Variants in GTF2A1 observed in about 807,000 individuals in gnomAD.
GTF2A1 encodes the protein transcription initiation factor IIA subunit 1.
In GTF2A1, 12 loss-of-function variants were observed where a neutral mutation model predicts 54.1. The ratio of observed to expected loss-of-function variants is 0.22; its 90% CI spans 0.14 to 0.36. The LOEUF is 0.36. Ranked by LOEUF, GTF2A1 falls within the 10% of genes least tolerant of loss-of-function variation. The pLI is 1.00. For missense variants in GTF2A1, 335 were observed against 442.2 expected, an observed-to-expected ratio of 0.76 and a Z score of 2.17; for synonymous variants, 145 against 152.0, an observed-to-expected ratio of 0.95 and a Z score of 0.34.
intron 7 of GTF2A1, among the ~76,000 whole-genome samples, chr14:81,190,807 A>T (rs189203515): frequency 3.3e-4 from 51 of 152,314 alleles, no homozygotes; most frequent in Admixed American, 5.2e-4. Flanking sequence ...ATGAGCCACA[A>T]AAAACTGCCG....
intron 3 of GTF2A1, chr14:81,202,699 G>A (rs1225326725): frequency 1.9e-6 from 1 of 517,208 alleles, no homozygotes; most frequent in Non-Finnish European, 3.9e-6. Context: ...GGAATTACAT[G>A]TTTGATTCCG....
chr14:81,212,494 T>C (rs747723898), intron 2 of GTF2A1, among the ~76,000 whole-genome samples: 1 of 152,220 alleles, frequency 6.6e-6, no homozygotes, highest in Non-Finnish European at 1.5e-5. Flanking sequence ...GAAATATTCT[T>C]ATCATCTCCC....
chr14:81,195,632 G>GAAAAAAA (rs34366586), intron 6 of GTF2A1, among the ~76,000 whole-genome samples: 1 of 118,548 alleles, frequency 8.4e-6, no homozygotes, highest in Non-Finnish European at 1.7e-5. Context: ...ACTCTGTCTC[G>GAAAAAAA]AAAAAAAAAA....
At chr14:81,210,250 T>C (rs754124426) in intron 2 of GTF2A1, among the ~76,000 whole-genome samples, 6 of 152,224 alleles carry the variant, frequency 3.9e-5, no homozygotes, top group Non-Finnish European at 8.8e-5. Flanking sequence ...ATACAAATAC[T>C]TTGTATTAAG....
At chr14:81,187,676 C>T (rs975055502) in intron 7 of GTF2A1, among the ~76,000 whole-genome samples, 2 of 152,200 alleles carry the variant, frequency 1.3e-5, no homozygotes, top group African/African-American at 4.8e-5. Context: ...CATGTTGTAG[C>T]ATATACGAAT....
chr14:81,203,698 T>C (rs985445753), intron 3 of GTF2A1, among the ~76,000 whole-genome samples: 2 of 152,132 alleles, frequency 1.3e-5, no homozygotes, highest in Non-Finnish European at 2.9e-5. Context: ...TGTATACAAA[T>C]TTATATACAT....
Position 81,178,186 on chromosome 14 carries a change from A to AT in GTF2A1, c.*2036dup, listed in dbSNP as rs1392986452. On this transcript the variant is annotated 3_prime_UTR_variant, in exon 9 of 9. Coordinates refer to ENST00000553612, the MANE Select transcript of GTF2A1 (RefSeq NM_015859.4). ...ATACAGTAATCCAAGTTTCAGTAGC[A>AT]TAAAAACTACTAGATAGCCAAAGGG... is the stretch of plus-strand genomic sequence containing the variant. 6.6e-6 allele frequency: 1 copy of AT among 152,170 alleles called. No homozygotes were observed. The highest frequency in any genetic ancestry group is 1.5e-5 in the Non-Finnish European group (1 of 67,998). 9.4% of individuals were successfully genotyped at this position (152,170 alleles called of 1,614,324 possible).
Position 81,220,728 on chromosome 14 carries a change from G to C in GTF2A1, c.-210C>G. On this transcript the variant is annotated 5_prime_UTR_variant, in exon 1 of 9. Transcript: ENST00000553612. ...CTCCTCCCGCAGCTGAAAACCTCGA[G>C]AATCGCCTTAAAAAAAAAAAAAAAG... The C allele has an allele frequency of 2.4e-5, 6 of 249,448 alleles. No individual in the cohort carries two copies. The highest frequency in any genetic ancestry group is 4.5e-5 in the Non-Finnish European group (6 of 133,162). The allele number at this position is 249,448 out of a possible 1,614,324, so 15.5% of individuals were successfully genotyped here. A position where few individuals can be genotyped will look rare whatever the true frequency, so the allele number is the denominator to read the frequency against.
intron 2 of GTF2A1, chr14:81,210,030 ATCATACAGAATGGTCCCACAAGAAATAT>A: frequency 6.5e-6 from 1 of 152,952 alleles, no homozygotes; most frequent in Non-Finnish European, 1.4e-5. Flanking sequence ...ACAATTCTTT[ATCATACAGAATGGTCCCACAAGAAATAT>A]GCAGGAATTG....
chr14:81,187,043 T>C (rs1420578463), intron 7 of GTF2A1, among the ~76,000 whole-genome samples: 2 of 152,046 alleles, frequency 1.3e-5, no homozygotes, highest in Non-Finnish European at 2.9e-5. Flanking sequence ...AAAATAGGTA[T>C]CATCAATGTA....
chr14:81,203,021 C>CT (rs1228504903), intron 3 of GTF2A1, among the ~76,000 whole-genome samples: 2 of 152,106 alleles, frequency 1.3e-5, no homozygotes, highest in Non-Finnish European at 2.9e-5. Flanking sequence ...TTAAAATGAA[C>CT]TTTTCATTTA....
At chr14:81,211,591 A>C (rs374330676) in intron 2 of GTF2A1, among the ~76,000 whole-genome samples, 2 of 152,150 alleles carry the variant, frequency 1.3e-5, no homozygotes, top group East Asian at 3.9e-4. Flanking sequence ...ACCATGGAGA[A>C]AATGTCTCCA....
rs535375545 is a variant in GTF2A1 at position 81,189,442 on chromosome 14, T to C, written c.933+3077A>G. ...ATCCCAGCACTTTGGGAGGCCAAGGTGGGCGGATCACGAGGTCAGGAGATC... is the reference window on the plus strand; with the variant it reads ...ATCCCAGCACTTTGGGAGGCCAAGGCGGGCGGATCACGAGGTCAGGAGATC... On this transcript the variant is annotated intron_variant, in intron 7 of 8. Transcript: ENST00000553612. Among the ~76,000 whole-genome samples the C allele has an allele frequency of 3.2e-4, 48 of 152,096 alleles. 1 individual carries two copies. In the South Asian group the frequency reaches 4.2e-3, roughly 13 times the overall value.
chr14:81,189,504 T>C (rs560743355), intron 7 of GTF2A1, among the ~76,000 whole-genome samples: 6 of 151,982 alleles, frequency 3.9e-5, no homozygotes, highest in Admixed American at 1.3e-4. Flanking sequence ...ACCCCATCTC[T>C]ACTAAAAATA....
intron 2 of GTF2A1, among the ~76,000 whole-genome samples, chr14:81,214,868 T>C (rs911905555): frequency 1.3e-5 from 2 of 152,136 alleles, no homozygotes; most frequent in Non-Finnish European, 1.5e-5. Flanking sequence ...TAAAGGAAAA[T>C]AGCTAGATTC....
Position 81,180,151 on chromosome 14 carries a change from C to T in GTF2A1, c.*72G>A. 4.4e-6 allele frequency: 3 copies of T among 677,280 alleles called. No homozygotes were observed. The highest frequency in any genetic ancestry group is 7.7e-6 in the Non-Finnish European group (3 of 388,008). The allele number at this position is 677,280 out of a possible 1,614,324, so 42.0% of individuals were successfully genotyped here. A position where few individuals can be genotyped will look rare whatever the true frequency, so the allele number is the denominator to read the frequency against. On this transcript the variant is annotated 3_prime_UTR_variant, in exon 9 of 9. Transcript: ENST00000553612. The stretch of plus-strand genomic sequence containing the variant: ...AAACGAAGTTTTGGTTGGCATATGC[C>T]CCAAGTTTCAAACTGTCCGCTTTAC...
Position 81,220,581 on chromosome 14 carries a change from A to C in GTF2A1, c.-63T>G. 2.3e-6 allele frequency: 3 copies of C among 1,321,488 alleles called. No individual in the cohort carries two copies. Among genetic ancestry groups the C allele is most frequent in the Non-Finnish European group, 3.1e-6 (3 of 980,452 alleles). 81.9% of individuals were successfully genotyped at this position (1,321,488 alleles called of 1,614,324 possible). A position where few individuals can be genotyped will look rare whatever the true frequency, so the allele number is the denominator to read the frequency against. Reference sequence around the variant, plus strand: ...GAAAACAAGATAAAAACAAAACCAAAAAAAAAAAAACTATAACACCCGGAG... The same window carrying C: ...GAAAACAAGATAAAAACAAAACCAACAAAAAAAAAACTATAACACCCGGAG... On this transcript the variant is annotated 5_prime_UTR_variant, in exon 1 of 9. Transcript: ENST00000553612.
intron 2 of GTF2A1, among the ~76,000 whole-genome samples, chr14:81,208,844 C>T (rs1429425183): frequency 6.6e-6 from 1 of 152,160 alleles, no homozygotes; most frequent in East Asian, 1.9e-4. Context: ...GGCCCTGTAA[C>T]CCCTTTGTTT....
chr14:81,197,472 T>A lies in GTF2A1; in HGVS notation c.415A>T (p.Thr139Ser). The A allele has an allele frequency of 6.3e-7, 1 of 1,577,554 alleles. No individual in the cohort carries two copies. The highest frequency in any genetic ancestry group is 8.7e-7 in the Non-Finnish European group (1 of 1,153,548). Residue 139 changes from threonine (T) to serine (S), a missense_variant, in exon 5 of 9, where the codon ACA becomes TCA. By Grantham distance (58) the Thr-to-Ser change is moderately conservative. Transcript: ENST00000553612. ...MNASNMSAAA[T>S]AATLALPAGV... is the part of the protein sequence containing the mutation. ...GCAGGGAGTGCTAAGGTAGCAGCTGTAGCAGCAGCACTCTGAAAAAAACAA... is the reference window on the plus strand; with the variant it reads ...GCAGGGAGTGCTAAGGTAGCAGCTGAAGCAGCAGCACTCTGAAAAAAACAA...
Sources: gnomAD v4.1 joint callset for allele counts (sites outside exome capture counted in the v4.1 genomes callset) on GRCh38, gnomAD v4.1.1 for gene constraint, MANE v1.5 for transcripts, NCBI Gene and HGNC (gene_info 2026-07-23, HGNC 2026-07-21) for gene names.